LRRC56: variants seen among roughly 807,000 people sequenced by gnomAD.
LRRC56 encodes the protein leucine rich repeat containing 56, also known as leucine-rich repeat-containing protein 56.
In LRRC56, 41 loss-of-function variants were observed where a neutral mutation model predicts 47.8. That is an observed-to-expected ratio of 0.86 (90% CI 0.67 to 1.11). LRRC56 has a LOEUF of 1.11. Ranked by LOEUF, LRRC56 falls within the 50% of genes most tolerant of loss-of-function variation. The pLI is 0.00. For missense variants in LRRC56, 759 were observed against 704.2 expected (o/e 1.08, Z -0.88); for synonymous variants, 387 against 311.2 (o/e 1.24, Z -2.56).
At chr11:522,999 T>C in the LRRC56 span, among the ~76,000 whole-genome samples, 2 of 152,144 alleles carry the variant, frequency 1.3e-5, no homozygotes, top group Non-Finnish European at 2.9e-5. Flanking sequence ...AGAGATAATC[T>C]ATTACTGTTG....
At position 541,840 on chromosome 11, in the gene LRRC56, C is replaced by T. The variant is rs537119456; in HGVS notation, c.265+216C>T. 1.3e-5 allele frequency among the ~76,000 whole-genome samples: 2 copies of T among 151,390 alleles called. No individual in the cohort carries two copies. Among genetic ancestry groups the T allele is most frequent in the South Asian group, 4.2e-4 (2 of 4,774 alleles). ...ACCACACCAGTACCCCCAGCACGCT[C>T]AGTACCCCACACACCCACACCAGTA... On this transcript the variant is annotated intron_variant, in intron 5 of 13. Transcript: ENST00000270115. The surrounding 1 kb of genome is among the most constrained non-coding windows in gnomAD (Gnocchi z 4.1).
the LRRC56 span, among the ~76,000 whole-genome samples, chr11:520,934 T>C: frequency 2.0e-5 from 3 of 152,208 alleles, no homozygotes; most frequent in Admixed American, 6.5e-5. Flanking sequence ...TTGTCCATAT[T>C]GAGACCGCGT....
At chr11:549,622 G>T (rs1429660964) in intron 6 of LRRC56, among the ~76,000 whole-genome samples, 1 of 152,252 alleles carries the variant, frequency 6.6e-6, no homozygotes, top group African/African-American at 2.4e-5. Flanking sequence ...AGCCTGCCAG[G>T]GAGGGGACTG....
chr11:545,849 C>T (rs1852048152), intron 6 of LRRC56, among the ~76,000 whole-genome samples: 1 of 152,228 alleles, frequency 6.6e-6, no homozygotes, highest in Non-Finnish European at 1.5e-5. Context: ...GAACATTCTC[C>T]AGCTGTGTGA....
chr11:544,973 G>T (rs910821227), intron 6 of LRRC56, among the ~76,000 whole-genome samples, 193 bp downstream of exon 6: 4 of 152,082 alleles, frequency 2.6e-5, no homozygotes, highest in African/African-American at 9.7e-5. Context: ...ATGGGCAGGT[G>T]GGGGGAGCCT....
the LRRC56 span, among the ~76,000 whole-genome samples, chr11:522,479 G>A: frequency 1.3e-5 from 2 of 152,070 alleles, no homozygotes; most frequent in African/African-American, 4.8e-5. Flanking sequence ...TGTTAGCCAG[G>A]ATACTCTCGA....
At chr11:512,862 C>T in the LRRC56 span, among the ~76,000 whole-genome samples, 1 of 152,130 alleles carries the variant, frequency 6.6e-6, no homozygotes, top group African/African-American at 2.4e-5. Context: ...CTGGCTTTGC[C>T]CAGGAAACAA....
At chr11:532,585 G>A (rs771875930), upstream of LRRC56, 32 of 1,587,026 alleles carry the variant, frequency 2.0e-5, no homozygotes, top group Non-Finnish European at 2.4e-5. Context: ...GCGGGGAGCC[G>A]GGGTCATCCG....
chr11:513,201 G>C, the LRRC56 span, among the ~76,000 whole-genome samples: 6 of 152,206 alleles, frequency 3.9e-5, no homozygotes, highest in African/African-American at 1.4e-4. Context: ...TATCACGCAG[G>C]CTGGAGCGCA....
At chr11:534,342 G>GC (rs1251006642), upstream of LRRC56, 7 of 1,594,272 alleles carry the variant, frequency 4.4e-6, no homozygotes, top group Non-Finnish European at 6.0e-6. Context: ...GGGGCCTGCG[G>GC]CCCGGGGTCC....
chr11:554,860 A>G lies in LRRC56; in HGVS notation c.*584A>G. On this transcript the variant is annotated 3_prime_UTR_variant, in exon 14 of 14. Transcript: ENST00000270115. ...CAACATTTCCAGCTCTCAGGTGTAC[A>G]GAAATGCGGTTTACTTTGTAGGCCA... 1 of 699,330 alleles carries G rather than the reference A, an allele frequency of 1.4e-6. No homozygotes were observed. The highest frequency in any genetic ancestry group is 4.2e-4 in the Middle Eastern group (1 of 2,388). The allele number at this position is 699,330 out of a possible 1,614,324, so 43.3% of individuals were successfully genotyped here.
the LRRC56 span, among the ~76,000 whole-genome samples, chr11:527,730 C>T: frequency 1.0e-4 from 13 of 124,438 alleles, no homozygotes; most frequent in Non-Finnish European, 1.8e-4. Flanking sequence ...GACAGAGTTT[C>T]GCTCTTGTTG....
chr11:523,706 G>A, the LRRC56 span, among the ~76,000 whole-genome samples: 1 of 151,718 alleles, frequency 6.6e-6, no homozygotes, highest in South Asian at 2.1e-4. Context: ...GCCCAGGCAG[G>A]TGGATCATGA....
chr11:536,528 G>C (rs1851501525), upstream of LRRC56, among the ~76,000 whole-genome samples: 2 of 152,166 alleles, frequency 1.3e-5, no homozygotes, highest in Admixed American at 6.5e-5. Flanking sequence ...CCAGCACTTC[G>C]GGAGGCCTAA....
In LRRC56 at chr11:553,958, T is replaced by TC; in HGVS notation, c.1316-4dup. On this transcript the variant is annotated splice_region_variant and splice_polypyrimidine_tract_variant and intron_variant, in intron 13 of 13. Transcript: ENST00000270115. ...TGACGTCCCATCACTCTGCTTGCTT[T>TC]CTAGAGCCCTCCGGGACCTCGAGCC... 2 of 1,609,644 alleles carry TC rather than the reference T, an allele frequency of 1.2e-6. No individual in the cohort carries two copies. Among genetic ancestry groups the TC allele is most frequent in the Non-Finnish European group, 1.7e-6 (2 of 1,178,522 alleles).
At chr11:518,252 G>A in the LRRC56 span, among the ~76,000 whole-genome samples, 16 of 151,832 alleles carry the variant, frequency 1.1e-4, no homozygotes, top group African/African-American at 3.9e-4. Flanking sequence ...GCCCATCTCA[G>A]CTCACTGCAA....
At chr11:531,245 C>T in the LRRC56 span, among the ~76,000 whole-genome samples, 2 of 152,118 alleles carry the variant, frequency 1.3e-5, no homozygotes, top group Admixed American at 6.5e-5. Flanking sequence ...GTCCCTGCAG[C>T]CCTGGCCAGC....
chr11:517,549 G>A, the LRRC56 span, among the ~76,000 whole-genome samples: 2 of 149,980 alleles, frequency 1.3e-5, no homozygotes, highest in Admixed American at 6.6e-5. Flanking sequence ...GGAAGTGGGC[G>A]CCTCTGCCCG....
chr11:552,841 G>A (rs1852486029), intron 13 of LRRC56, 139 bp downstream of exon 13: 1 of 766,778 alleles, frequency 1.3e-6, no homozygotes, highest in Non-Finnish European at 2.0e-6. Context: ...CTGTAACAGG[G>A]AGGCCCCCTT....
Sources: gnomAD v4.1 joint callset for allele counts (sites outside exome capture counted in the v4.1 genomes callset) on GRCh38, gnomAD v4.1.1 for gene constraint, Gnocchi (gnomAD v3.1) non-coding constraint, MANE v1.5 for transcripts, NCBI Gene and HGNC (gene_info 2026-07-23, HGNC 2026-07-21) for gene names.